The following RPIA variants were observed in gnomAD, a reference collection of about 807,000 sequenced individuals.
RPIA encodes the protein ribose 5-phosphate isomerase A, also known as ribose-5-phosphate isomerase.
Under a neutral mutation model 37.8 loss-of-function variants are expected in RPIA, and 29 were observed. The ratio of observed to expected loss-of-function variants is 0.77; its 90% CI spans 0.57 to 1.05. The LOEUF is 1.05. Ranked by LOEUF, RPIA falls within the 50% of genes least tolerant of loss-of-function variation. The pLI, the probability that RPIA is intolerant of heterozygous loss-of-function variation, is 0.00. For synonymous variants in RPIA, 167 were observed against 157.0 expected (o/e 1.06, Z -0.48); for missense variants, 385 against 413.6 (o/e 0.93, Z 0.60).
chr2:88,742,170 A>G (rs888050839), intron 8 of RPIA, among the ~76,000 whole-genome samples: 1 of 152,068 alleles, frequency 6.6e-6, no homozygotes, highest in Non-Finnish European at 1.5e-5. Context: ...TGTCCTCTAG[A>G]GTTTTTATAG....
intron 3 of RPIA, among the ~76,000 whole-genome samples, chr2:88,710,360 A>C (rs527818910): frequency 3.0e-4 from 46 of 152,328 alleles, no homozygotes; most frequent in African/African-American, 1.1e-3. Context: ...CAGTTCTGAA[A>C]GGAAAGAATA....
chr2:88,699,533 T>A (rs1406666233), intron 2 of RPIA, among the ~76,000 whole-genome samples: 1 of 152,148 alleles, frequency 6.6e-6, no homozygotes, highest in Non-Finnish European at 1.5e-5. Flanking sequence ...AAGTTCTGGC[T>A]TTTTCCTAGA....
intron 1 of RPIA, among the ~76,000 whole-genome samples, chr2:88,693,290 T>G (rs1256879105): frequency 6.6e-6 from 1 of 152,212 alleles, no homozygotes; most frequent in Non-Finnish European, 1.5e-5. Flanking sequence ...ATGTATTTGA[T>G]TAAATAAAAA....
At chr2:88,718,557 G>A (rs1291225670) in intron 3 of RPIA, among the ~76,000 whole-genome samples, 1 of 152,138 alleles carries the variant, frequency 6.6e-6, no homozygotes, top group Non-Finnish European at 1.5e-5. Context: ...ACTTACCACA[G>A]CTCAGGAATC....
At chr2:88,716,922 T>TA (rs1238515595) in intron 3 of RPIA, among the ~76,000 whole-genome samples, 1 of 152,188 alleles carries the variant, frequency 6.6e-6, no homozygotes, top group Non-Finnish European at 1.5e-5. Context: ...TCTCCATTTT[T>TA]ATGCTTAGGT....
intron 3 of RPIA, among the ~76,000 whole-genome samples, chr2:88,721,582 C>G (rs896538750): frequency 7.9e-5 from 10 of 127,268 alleles, no homozygotes; most frequent in Non-Finnish European, 1.3e-4. Context: ...CCCCCCCCCC[C>G]ACATGCACAC....
chr2:88,709,761 G>T (rs1672939815), intron 3 of RPIA, among the ~76,000 whole-genome samples: 1 of 152,092 alleles, frequency 6.6e-6, no homozygotes, highest in Non-Finnish European at 1.5e-5. Flanking sequence ...AAAAAATATA[G>T]CCACCTGTAT....
At chr2:88,722,715 A>T (rs1018848280) in intron 3 of RPIA, among the ~76,000 whole-genome samples, 2 of 152,230 alleles carry the variant, frequency 1.3e-5, no homozygotes, top group Non-Finnish European at 2.9e-5. Flanking sequence ...CAAAGAGGTC[A>T]GGTCACCCAA....
intron 8 of RPIA, among the ~76,000 whole-genome samples, chr2:88,748,686 A>G (rs900299655): frequency 2.0e-5 from 3 of 152,040 alleles, no homozygotes; most frequent in Non-Finnish European, 4.4e-5. Context: ...AAAAGTTTAT[A>G]TCTATTCTAC....
chr2:88,723,010 A>G (rs898435897), intron 3 of RPIA, among the ~76,000 whole-genome samples: 13 of 152,104 alleles, frequency 8.5e-5, no homozygotes, highest in Non-Finnish European at 1.8e-4. Flanking sequence ...TTGTTTGTTT[A>G]TTTTTCCCTC....
At chr2:88,723,121 A>G (rs1673154570) in intron 3 of RPIA, among the ~76,000 whole-genome samples, 1 of 152,200 alleles carries the variant, frequency 6.6e-6, no homozygotes, top group Admixed American at 6.5e-5. Flanking sequence ...AGTTGGTCAA[A>G]TCTGTTGGGA....
At chr2:88,713,099 A>AATATATATATATATATATATAT (rs1553420187) in intron 3 of RPIA, among the ~76,000 whole-genome samples, 2 of 45,588 alleles carry the variant, frequency 4.4e-5, no homozygotes, top group African/African-American at 2.5e-4. Context: ...TGGATGTCTG[A>AATATATATATATATATATATAT]ATATATATAT....
chr2:88,740,881 G>A (rs180980194), intron 8 of RPIA, among the ~76,000 whole-genome samples: 154 of 152,178 alleles, frequency 1.0e-3, no homozygotes, highest in Admixed American at 1.8e-3. Context: ...TTTTGAAAAC[G>A]GGTCTTGAGT....
chr2:88,749,511 A>G (rs1337240128), intron 8 of RPIA, among the ~76,000 whole-genome samples: 3 of 152,298 alleles, frequency 2.0e-5, no homozygotes, highest in Non-Finnish European at 2.9e-5. Context: ...TTTGTCAGGT[A>G]TATGCTTTGC....
At chr2:88,722,112 A>AT (rs1311897835) in intron 3 of RPIA, among the ~76,000 whole-genome samples, 5 of 151,552 alleles carry the variant, frequency 3.3e-5, no homozygotes, top group Admixed American at 6.6e-5. Context: ...ACCATACAAG[A>AT]TTTTTTCTCA....
rs376428691 is a variant in RPIA at position 88,739,167 on chromosome 2, G to C, written c.838+1091G>C. 2.6e-4 allele frequency among the ~76,000 whole-genome samples: 39 copies of C among 152,292 alleles called. No homozygotes were observed. The South Asian group carries it at 7.0e-3, about 28-fold the overall frequency. On this transcript the variant is annotated intron_variant, in intron 8 of 8. Transcript: ENST00000283646. ...TAAAAGGAGGAGGCAGTCTTGAGAGGTATCAGCTTCTTAGGATATTGCGAG... is the reference window on the plus strand; with the variant it reads ...TAAAAGGAGGAGGCAGTCTTGAGAGCTATCAGCTTCTTAGGATATTGCGAG...
chr2:88,723,809 T>C (rs527859805), intron 3 of RPIA, among the ~76,000 whole-genome samples: 2 of 152,252 alleles, frequency 1.3e-5, no homozygotes, highest in South Asian at 4.1e-4. Context: ...AGTTTGGTTT[T>C]GTACGTTTTA....
At chr2:88,747,164 T>A (rs894217741) in intron 8 of RPIA, among the ~76,000 whole-genome samples, 1 of 152,002 alleles carries the variant, frequency 6.6e-6, no homozygotes, top group Non-Finnish European at 1.5e-5. Context: ...CTCAGGTCAA[T>A]GGAGTTATGT....
chr2:88,738,741 C>T (rs1673348127), intron 8 of RPIA, among the ~76,000 whole-genome samples: 1 of 152,110 alleles, frequency 6.6e-6, no homozygotes, highest in Non-Finnish European at 1.5e-5. Context: ...CATGCCTTGG[C>T]ATAACATAAG....
Sources: allele counts gnomAD v4.1 joint callset (sites outside exome capture counted in the v4.1 genomes callset), GRCh38; gene constraint gnomAD v4.1.1; transcripts MANE v1.5; gene names NCBI Gene and HGNC (gene_info 2026-07-23, HGNC 2026-07-21).